The following IL36B variants were observed in gnomAD, a reference collection of about 807,000 sequenced individuals.
IL36B encodes interleukin-36 beta.
IL36B carries 23 observed loss-of-function variants against 19.3 expected under a neutral mutation model. That is an observed-to-expected ratio of 1.19 (90% CI 0.86 to 1.69). The LOEUF (loss-of-function observed/expected upper bound fraction) is 1.69. Ranked by LOEUF, IL36B falls within the 40% of genes most tolerant of loss-of-function variation. The pLI is 0.00. For missense variants in IL36B, 217 were observed against 200.5 expected (o/e 1.08, Z -0.50); for synonymous variants, 59 against 59.7 (o/e 0.99, Z 0.05).
At chr2:113,040,749 A>G (rs1685242277) in intron 1 of IL36B, among the ~76,000 whole-genome samples, 1 of 152,234 alleles carries the variant, frequency 6.6e-6, no homozygotes, top group Non-Finnish European at 1.5e-5. Context: ...TACCTAAATA[A>G]TTGAAGGTAT....
chr2:113,036,029 G>A (rs551847785), intron 1 of IL36B, among the ~76,000 whole-genome samples: 74 of 152,138 alleles, frequency 4.9e-4, no homozygotes, highest in South Asian at 3.5e-3. Flanking sequence ...TGAAACCTCC[G>A]CCCCACCCGG....
Position 113,022,629 on chromosome 2 carries a change from A to G in IL36B, c.*45T>C. 1 of 1,215,222 alleles carries G rather than the reference A, an allele frequency of 8.2e-7. No homozygotes were observed. The highest frequency in any genetic ancestry group is 1.2e-6 in the Non-Finnish European group (1 of 817,724). The allele number at this position is 1,215,222 out of a possible 1,614,324, so 75.3% of individuals were successfully genotyped here. A position where few individuals can be genotyped will look rare whatever the true frequency, so the allele number is the denominator to read the frequency against. ...ATTTGTAGCATTTCATTGATAGCAA[A>G]CCCACTCAAAGATTGTAGAGATGGG... On this transcript the variant is annotated 3_prime_UTR_variant, in exon 6 of 6. Coordinates refer to ENST00000259213, the MANE Select transcript of IL36B (RefSeq NM_014438.5).
intron 1 of IL36B, among the ~76,000 whole-genome samples, chr2:113,046,748 A>G (rs926911111): frequency 6.6e-6 from 1 of 152,152 alleles, no homozygotes; most frequent in African/African-American, 2.4e-5. Flanking sequence ...TGCTATTTTT[A>G]TTATATATCA....
At position 113,039,377 on chromosome 2, in the gene IL36B, G is replaced by A. The variant is rs530398068; in HGVS notation, c.-57-7611C>T. Among the ~76,000 whole-genome samples the A allele has an allele frequency of 1.1e-3, 162 of 152,294 alleles. 2 individuals carry two copies. The highest frequency in any genetic ancestry group is 3.2e-4 in the Non-Finnish European group (22 of 68,032). On this transcript the variant is annotated intron_variant, in intron 1 of 5. Transcript: ENST00000259213. The stretch of plus-strand genomic sequence containing the variant: ...CACCCCTGCAACCACCCTCACCGTG[G>A]CACAGTTCCCTGGCTTAAAGTACTG...
At chr2:113,037,009 G>A (rs1015195221) in intron 1 of IL36B, among the ~76,000 whole-genome samples, 1 of 152,240 alleles carries the variant, frequency 6.6e-6, no homozygotes, top group South Asian at 2.1e-4. Context: ...AGATCCAGTC[G>A]AAACTATGGA....
At chr2:113,042,863 CT>C (rs34905527) in intron 1 of IL36B, among the ~76,000 whole-genome samples, 4,835 of 150,976 alleles carry the variant, frequency 0.032, 296 homozygotes, top group East Asian at 0.23. Context: ...CAGAAACTAC[CT>C]TTTTTTTTCA....
At chr2:113,023,292 T>A (rs1264481644) in intron 5 of IL36B, among the ~76,000 whole-genome samples, 2 of 152,220 alleles carry the variant, frequency 1.3e-5, no homozygotes, top group Non-Finnish European at 2.9e-5. Context: ...TTCAGATTAT[T>A]GATCCTGACA....
chr2:113,038,883 C>T lies in IL36B; in HGVS notation c.-57-7117G>A, dbSNP rs1386587836. Among the ~76,000 whole-genome samples, 8 of 152,258 alleles carry T rather than the reference C, an allele frequency of 5.3e-5. No individual in the cohort carries two copies. The South Asian group carries it at 1.7e-3, about 32-fold the overall frequency. ...CTGGAGAGAGGCTGTCCTCTCAATG[C>T]CTGATCTCCATCTATGCTTGTTTTA... On this transcript the variant is annotated intron_variant, in intron 1 of 5. Transcript: ENST00000259213.
At chr2:113,028,866 A>T in intron 4 of IL36B, 73 bp downstream of exon 4, 1 of 1,474,154 alleles carries the variant, frequency 6.8e-7, no homozygotes. Flanking sequence ...TATTATTTTT[A>T]TTCAGTAACA....
At chr2:113,041,984 T>C (rs1685266038) in intron 1 of IL36B, among the ~76,000 whole-genome samples, 2 of 152,116 alleles carry the variant, frequency 1.3e-5, no homozygotes, top group Non-Finnish European at 2.9e-5. Context: ...GCTGGGAGGC[T>C]TTTTCCAGGG....
At chr2:113,051,892 G>A (rs1685452597) in intron 1 of IL36B, among the ~76,000 whole-genome samples, 2 of 151,936 alleles carry the variant, frequency 1.3e-5, no homozygotes, top group South Asian at 4.2e-4. Context: ...CTCTGCTATG[G>A]GGCACTCCTT....
chr2:113,022,815 A>G (rs1172859557), intron 5 of IL36B: 5 of 1,381,576 alleles, frequency 3.6e-6, no homozygotes, highest in Non-Finnish European at 5.2e-6. Context: ...GCTTAGCAAG[A>G]TGTGGACATT....
At chr2:113,044,162 T>G (rs1685306107) in intron 1 of IL36B, among the ~76,000 whole-genome samples, 1 of 152,188 alleles carries the variant, frequency 6.6e-6, no homozygotes, top group African/African-American at 2.4e-5. Context: ...TTTTAAAATT[T>G]TCAGTGTGTC....
chr2:113,030,160 A>G (rs1685046087), intron 3 of IL36B, among the ~76,000 whole-genome samples: 1 of 151,692 alleles, frequency 6.6e-6, no homozygotes, highest in Non-Finnish European at 1.5e-5. Context: ...GAAACCTGGG[A>G]GGTGGAGGTT....
At chr2:113,041,666 C>T (rs1312135794) in intron 1 of IL36B, among the ~76,000 whole-genome samples, 1 of 152,300 alleles carries the variant, frequency 6.6e-6, no homozygotes, top group Non-Finnish European at 1.5e-5. Flanking sequence ...AGTAGCAAGT[C>T]ACAGACATAT....
At chr2:113,026,376 C>T (rs969554724) in intron 4 of IL36B, 37 of 1,334,118 alleles carry the variant, frequency 2.8e-5, no homozygotes, top group South Asian at 1.4e-4. Flanking sequence ...AAAGAGAATG[C>T]GGGGCACTGA....
chr2:113,025,436 G>A (rs1684940136), intron 5 of IL36B, among the ~76,000 whole-genome samples: 1 of 152,178 alleles, frequency 6.6e-6, no homozygotes, highest in Non-Finnish European at 1.5e-5. Flanking sequence ...AGTGCATTCT[G>A]AGAAACTGCT....
At chr2:113,023,801 T>G (rs563248906) in intron 5 of IL36B, among the ~76,000 whole-genome samples, 1 of 152,226 alleles carries the variant, frequency 6.6e-6, no homozygotes, top group African/African-American at 2.4e-5. Flanking sequence ...AGTTAACTGA[T>G]CAGTTCTTTA....
At chr2:113,044,872 T>C (rs1427817536) in intron 1 of IL36B, among the ~76,000 whole-genome samples, 1 of 152,202 alleles carries the variant, frequency 6.6e-6, no homozygotes, top group Non-Finnish European at 1.5e-5. Flanking sequence ...TGATTACTAA[T>C]TATTTTGTTG....
Sources: allele counts gnomAD v4.1 joint callset (sites outside exome capture counted in the v4.1 genomes callset), GRCh38; gene constraint gnomAD v4.1.1; transcripts MANE v1.5; gene names NCBI Gene and HGNC (gene_info 2026-07-23, HGNC 2026-07-21).